Variants in KLC1 observed in about 807,000 individuals in gnomAD.
The protein encoded by KLC1 is kinesin 2 60/70kDa.
A neutral mutation model predicts 84.2 loss-of-function variants in KLC1; 30 were observed. The ratio of observed to expected loss-of-function variants is 0.36; its 90% confidence interval spans 0.27 to 0.48. The LOEUF (loss-of-function observed/expected upper bound fraction) is 0.48. KLC1 is among the 20% of genes least tolerant of loss of function. KLC1 has a pLI of 0.99. For missense variants in KLC1, 499 were observed against 805.4 expected (o/e 0.62, Z 4.60); for synonymous variants, 289 against 293.3 (o/e 0.99, Z 0.15).
intron 1 of KLC1, among the ~76,000 whole-genome samples, chr14:103,636,565 A>G (rs2077058460): frequency 1.3e-5 from 2 of 151,822 alleles, no homozygotes. Flanking sequence ...GTATAGTGGC[A>G]TCTTGTTAGT....
At chr14:103,668,112 G>A (rs1290097124) in intron 5 of KLC1, among the ~76,000 whole-genome samples, 1 of 152,216 alleles carries the variant, frequency 6.6e-6, no homozygotes, top group Admixed American at 6.5e-5. Context: ...GCAAGACTGT[G>A]CAATAGATCA....
chr14:103,674,264 AGT>A (rs2080685635), intron 9 of KLC1, among the ~76,000 whole-genome samples: 1 of 152,186 alleles, frequency 6.6e-6, no homozygotes, highest in African/African-American at 2.4e-5. Context: ...TTACATTTTT[AGT>A]GTGAGTACCT....
chr14:103,701,360 C>T lies in KLC1; in HGVS notation c.*161C>T, dbSNP rs1043779561. The T allele has an allele frequency of 1.2e-4, 87 of 734,126 alleles. No individual in the cohort carries two copies. Among genetic ancestry groups the T allele is most frequent in the Middle Eastern group, 3.7e-4 (1 of 2,678 alleles). The allele number at this position is 734,126 out of a possible 1,614,324, so 45.5% of individuals were successfully genotyped here. A position where few individuals can be genotyped will look rare whatever the true frequency, so the allele number is the denominator to read the frequency against. ...ATAGGACATGATACTAATAACCACA[C>T]GGCTGGCGTGACCTTGGGGCTGGGG... On this transcript the variant is annotated 3_prime_UTR_variant, in exon 17 of 17. Transcript: ENST00000334553.
At chr14:103,675,521 C>T (rs756962927) in intron 9 of KLC1, 31 bp from the exon 10 acceptor site, 2 of 1,597,148 alleles carry the variant, frequency 1.3e-6, no homozygotes, top group Non-Finnish European at 8.6e-7. Flanking sequence ...ATTAAGGATG[C>T]TCAACCTGTA....
intron 7 of KLC1, 43 bp downstream of exon 7, chr14:103,670,326 TTG>T (rs914178559): frequency 1.7e-5 from 24 of 1,445,280 alleles, no homozygotes; most frequent in Non-Finnish European, 2.1e-5. Flanking sequence ...GATTTTTGTT[TTG>T]TGTGTGTGTG....
At chr14:103,697,333 T>C (rs1465203326) in intron 15 of KLC1, among the ~76,000 whole-genome samples, 2 of 152,034 alleles carry the variant, frequency 1.3e-5, no homozygotes, top group Non-Finnish European at 2.9e-5. Context: ...CTGCACAGTA[T>C]GGCCCCAGCC....
rs745650604 is a variant in KLC1 at position 103,673,442 on chromosome 14, T to C, written c.1261+11T>C. 6.7e-6 allele frequency: 10 copies of C among 1,494,240 alleles called. 1 individual carries two copies. Among genetic ancestry groups the C allele is most frequent in the African/African-American group, 1.4e-5 (1 of 71,202 alleles). 92.6% of individuals were successfully genotyped at this position (1,494,240 alleles called of 1,614,324 possible). On this transcript the variant is annotated intron_variant, in intron 9 of 16. Coordinates refer to ENST00000334553, the MANE Select transcript of KLC1 (RefSeq NM_001394837.1). ...TTGGTTCTGTAGATGGTAAGAAATATACTCCCGTTTCAAGTGAATTTAATT... is the reference window on the plus strand; with the variant it reads ...TTGGTTCTGTAGATGGTAAGAAATACACTCCCGTTTCAAGTGAATTTAATT...
intron 5 of KLC1, among the ~76,000 whole-genome samples, chr14:103,663,294 A>G (rs1174226738): frequency 2.0e-5 from 3 of 151,948 alleles, no homozygotes; most frequent in Non-Finnish European, 4.4e-5. Flanking sequence ...GTTAACCAGG[A>G]TGGTCTCGAT....
chr14:103,675,843 T>A (rs1281270240), intron 11 of KLC1, 87 bp downstream of exon 11: 11 of 1,064,920 alleles, frequency 1.0e-5, no homozygotes, highest in Non-Finnish European at 1.2e-5. Context: ...AAATGACCAA[T>A]GTGTAGTGTT....
chr14:103,650,619 C>T (rs1486253923), intron 1 of KLC1, among the ~76,000 whole-genome samples: 3 of 145,994 alleles, frequency 2.1e-5, no homozygotes, highest in Non-Finnish European at 4.5e-5. Context: ...CTCACTCTTG[C>T]CCAGGCTGGA....
chr14:103,684,623 A>G (rs1332418735), intron 13 of KLC1, among the ~76,000 whole-genome samples: 3 of 152,210 alleles, frequency 2.0e-5, no homozygotes, highest in Admixed American at 1.3e-4. Flanking sequence ...TCGGACCCCA[A>G]TTCTGGGACT....
At chr14:103,695,756 G>A (rs1352264324) in intron 15 of KLC1, 1 of 985,324 alleles carries the variant, frequency 1.0e-6, no homozygotes, top group African/African-American at 1.7e-5. Context: ...GGGCCGAGGT[G>A]GCCTCTGCAG....
intron 15 of KLC1, chr14:103,696,089 T>TGCGGGGGGGGGGGGGGG: frequency 2.5e-6 from 2 of 791,886 alleles, no homozygotes; most frequent in Non-Finnish European, 2.9e-6. Context: ...AAATAATCAC[T>TGCGGGGGGGGGGGGGGG]GCGCCCCCGC....
rs1350738500 is a variant in KLC1 at position 103,701,283 on chromosome 14, G to A, written c.*84G>A. Reference sequence around the variant, plus strand: ...CCGGGACAGCCAGGGCGGCAGGGAGGGCCCCTGGCCGGGAGCCGCAGCGCT... The same window carrying A: ...CCGGGACAGCCAGGGCGGCAGGGAGAGCCCCTGGCCGGGAGCCGCAGCGCT... On this transcript the variant is annotated 3_prime_UTR_variant, in exon 17 of 17. Transcript: ENST00000334553. 5 of 1,464,730 alleles carry A rather than the reference G, an allele frequency of 3.4e-6. No individual in the cohort carries two copies. The highest frequency in any genetic ancestry group is 4.6e-6 in the Non-Finnish European group (5 of 1,076,566). The allele number at this position is 1,464,730 out of a possible 1,614,324, so 90.7% of individuals were successfully genotyped here. A position where few individuals can be genotyped will look rare whatever the true frequency, so the allele number is the denominator to read the frequency against.
Position 103,654,731 on chromosome 14 carries a change from T to C in KLC1, c.167T>C (p.Leu56Ser), listed in dbSNP as rs765752300. The C allele has an allele frequency of 3.1e-6, 5 of 1,614,164 alleles. No homozygotes were observed. In the Admixed American group the frequency reaches 6.7e-5, roughly 22 times the overall value. The change falls in exon 2 of 17, where the codon TTG (leucine) becomes TCG (serine). Residue 56 changes from leucine (L) to serine (S), a missense_variant. Coordinates refer to ENST00000334553, the MANE Select transcript of KLC1 (RefSeq NM_001394837.1). ...LQSLLETLKCLKKDDESNLVE... is the reference protein window; with the variant it reads ...LQSLLETLKCSKKDDESNLVE... ...AGTTTGCTGGAGACACTGAAGTGTTTGAAGAAAGATGATGAAAGTAATTTG... is the reference window on the plus strand; with the variant it reads ...AGTTTGCTGGAGACACTGAAGTGTTCGAAGAAAGATGATGAAAGTAATTTG...
intron 7 of KLC1, among the ~76,000 whole-genome samples, chr14:103,672,425 G>T (rs1189369686): frequency 6.6e-6 from 1 of 152,156 alleles, no homozygotes; most frequent in African/African-American, 2.4e-5. Context: ...TATACTCTTG[G>T]GGCTTACATT....
At chr14:103,674,534 C>A (rs1035872973) in intron 9 of KLC1, among the ~76,000 whole-genome samples, 6 of 151,944 alleles carry the variant, frequency 3.9e-5, no homozygotes, top group Non-Finnish European at 8.8e-5. Flanking sequence ...CCTACCTCAG[C>A]CTCCCGAGTA....
chr14:103,698,798 T>C, intron 15 of KLC1: 1 of 1,593,232 alleles, frequency 6.3e-7, no homozygotes. Flanking sequence ...CGCCACCGTG[T>C]CAGTGGGACT....
intron 5 of KLC1, among the ~76,000 whole-genome samples, chr14:103,666,265 A>T (rs12894639): frequency 1.0e-3 from 152 of 151,864 alleles, no homozygotes; most frequent in Middle Eastern, 3.4e-3. Flanking sequence ...GAGTTTCACC[A>T]TGTTAGCCAG....
Sources: allele counts gnomAD v4.1 joint callset (sites outside exome capture counted in the v4.1 genomes callset), GRCh38; gene constraint gnomAD v4.1.1; transcripts MANE v1.5; gene names NCBI Gene and HGNC (gene_info 2026-07-23, HGNC 2026-07-21).